The following NEK5 variants were observed in gnomAD, a reference collection of about 807,000 sequenced individuals.
The protein encoded by NEK5 is serine/threonine-protein kinase Nek5.
NEK5 carries 88 observed loss-of-function variants against 109.2 expected under a neutral mutation model. That is an observed-to-expected ratio of 0.81 (90% CI 0.68 to 0.96). The LOEUF is 0.96. Ranked by LOEUF, NEK5 falls within the 40% of genes least tolerant of loss-of-function variation. NEK5 has a pLI of 0.00. For synonymous variants in NEK5, 283 were observed against 299.9 expected, an observed-to-expected ratio of 0.94 and a Z score of 0.58; for missense variants, 834 against 920.7, an observed-to-expected ratio of 0.91 and a Z score of 1.22.
At chr13:52,110,090 AT>A (rs1229240067) in intron 7 of NEK5, among the ~76,000 whole-genome samples, 1 of 152,206 alleles carries the variant, frequency 6.6e-6, no homozygotes, top group African/African-American at 2.4e-5. Context: ...AGCTTTATGC[AT>A]ATTACAGTCA....
chr13:52,108,142 G>C (rs1053772522), intron 8 of NEK5, among the ~76,000 whole-genome samples, 176 bp downstream of exon 8: 2 of 152,006 alleles, frequency 1.3e-5, no homozygotes, highest in African/African-American at 4.8e-5. Context: ...TGGACCGCGA[G>C]AAATAGCAAC....
At chr13:52,078,698 C>T (rs2137830976) in intron 17 of NEK5, among the ~76,000 whole-genome samples, 1 of 152,150 alleles carries the variant, frequency 6.6e-6, no homozygotes, top group East Asian at 1.9e-4. Context: ...CCTCAAGATC[C>T]CAGACTCCAT....
chr13:52,074,082 T>C (rs1422624176), intron 19 of NEK5, among the ~76,000 whole-genome samples: 1 of 152,034 alleles, frequency 6.6e-6, no homozygotes, highest in Non-Finnish European at 1.5e-5. Context: ...ACACTATTCC[T>C]GTCAAACTAC....
intron 17 of NEK5, among the ~76,000 whole-genome samples, chr13:52,078,596 T>C (rs1321386902): frequency 3.3e-5 from 5 of 151,950 alleles, no homozygotes; most frequent in African/African-American, 1.2e-4. Flanking sequence ...AAAACTGTTT[T>C]TTTTTTTAAA....
intron 22 of NEK5, among the ~76,000 whole-genome samples, chr13:52,055,507 C>G (rs1452234338): frequency 6.6e-6 from 1 of 151,996 alleles, no homozygotes; most frequent in Non-Finnish European, 1.5e-5. Context: ...TCAGATTCAC[C>G]AAAGTTGAAA....
chr13:52,064,001 G>C (rs1354928521), intron 21 of NEK5, among the ~76,000 whole-genome samples: 1 of 139,964 alleles, frequency 7.1e-6, no homozygotes, highest in Non-Finnish European at 1.6e-5. Flanking sequence ...GGAGGTGGGG[G>C]GGGGGGTCAG....
chr13:52,050,803 T>A (rs1338818266), intron 22 of NEK5, among the ~76,000 whole-genome samples: 1 of 149,170 alleles, frequency 6.7e-6, no homozygotes, highest in Non-Finnish European at 1.5e-5. Context: ...CACTGCAACC[T>A]CTGCCTCCCA....
At chr13:52,100,261 C>A (rs1490130330) in intron 11 of NEK5, among the ~76,000 whole-genome samples, 1 of 151,828 alleles carries the variant, frequency 6.6e-6, no homozygotes. Context: ...ATGAGTAGAT[C>A]TTCTCTCTTT....
intron 17 of NEK5, among the ~76,000 whole-genome samples, chr13:52,081,635 C>T (rs1275836580): frequency 6.6e-6 from 1 of 152,206 alleles, no homozygotes; most frequent in African/African-American, 2.4e-5. Context: ...TTCCTACTCA[C>T]ACCAATCCAG....
intron 4 of NEK5, among the ~76,000 whole-genome samples, chr13:52,117,088 G>A (rs1156679461): frequency 5.9e-5 from 9 of 151,876 alleles, no homozygotes; most frequent in Non-Finnish European, 1.3e-4. Flanking sequence ...CCGGCTAAAC[G>A]TTTTTGTATT....
At chr13:52,047,192 A>C (rs1954467158) in intron 23 of NEK5, among the ~76,000 whole-genome samples, 1 of 151,906 alleles carries the variant, frequency 6.6e-6, no homozygotes, top group African/African-American at 2.4e-5. Context: ...CCAATTTACA[A>C]GTGTACATGC....
intron 20 of NEK5, among the ~76,000 whole-genome samples, chr13:52,067,985 C>T (rs992633151): frequency 6.6e-6 from 1 of 152,154 alleles, no homozygotes; most frequent in Admixed American, 6.5e-5. Context: ...AACTACCATG[C>T]CTGGTCAACC....
At chr13:52,081,655 A>T (rs1955016250) in intron 17 of NEK5, among the ~76,000 whole-genome samples, 1 of 152,180 alleles carries the variant, frequency 6.6e-6, no homozygotes, top group Non-Finnish European at 1.5e-5. Flanking sequence ...GATACCACCA[A>T]TTACCACCAT....
intron 22 of NEK5, among the ~76,000 whole-genome samples, chr13:52,057,293 G>T (rs1433607269): frequency 6.6e-6 from 1 of 151,686 alleles, no homozygotes; most frequent in African/African-American, 2.4e-5. Context: ...ATCTGAAATT[G>T]TGGCAATAAT....
At chr13:52,079,623 G>A (rs1260899802) in intron 17 of NEK5, among the ~76,000 whole-genome samples, 1 of 152,308 alleles carries the variant, frequency 6.6e-6, no homozygotes, top group East Asian at 1.9e-4. Context: ...CCAGGCTGGA[G>A]CGCAGTGGCG....
chr13:52,044,390 A>T (rs143885881), intron 23 of NEK5, among the ~76,000 whole-genome samples: 115 of 152,364 alleles, frequency 7.5e-4, no homozygotes, highest in African/African-American at 2.6e-3. Context: ...TTAGGTTCAC[A>T]TACAGAATAT....
intron 21 of NEK5, 118 bp downstream of exon 21, chr13:52,065,366 C>A (rs1385065643): frequency 1.5e-6 from 2 of 1,354,750 alleles, no homozygotes; most frequent in South Asian, 1.2e-5. Flanking sequence ...TTGAAAGTGT[C>A]TGATACAAGA....
chr13:52,110,697 G>A (rs1728917696), intron 5 of NEK5, 120 bp from the exon 6 acceptor site: 2 of 570,422 alleles, frequency 3.5e-6, no homozygotes, highest in African/African-American at 1.9e-5. Flanking sequence ...CACACATATA[G>A]TGTATGTGTA....
chr13:52,084,712 AGAGAGAGAGAGAGAGAGAGAGT>A lies in NEK5; in HGVS notation c.1480-1382_1480-1361del, dbSNP rs1392673831. On this transcript the variant is annotated intron_variant, in intron 16 of 23. Coordinates refer to ENST00000684899, the MANE Select transcript of NEK5 (RefSeq NM_001365552.1). The stretch of plus-strand genomic sequence containing the variant: ...ACCACCATGTCCGGCTAATTTAAAG[AGAGAGAGAGAGAGAGAGAGAGT>A]GAGAGAGAGAGAGAGAGAGAGAGAG... Among the ~76,000 whole-genome samples the A allele has an allele frequency of 2.4e-4, 30 of 126,198 alleles. 1 individual carries two copies. The highest frequency in any genetic ancestry group is 1.8e-3 in the East Asian group (8 of 4,474). The allele number at this position is 126,198 out of a possible 152,430, so 82.8% of individuals were successfully genotyped here. A position where few individuals can be genotyped will look rare whatever the true frequency, so the allele number is the denominator to read the frequency against.
Sources: gnomAD v4.1 joint callset for allele counts (sites outside exome capture counted in the v4.1 genomes callset) on GRCh38, gnomAD v4.1.1 for gene constraint, MANE v1.5 for transcripts, NCBI Gene and HGNC (gene_info 2026-07-23, HGNC 2026-07-21) for gene names.